PPM1J: variants seen among roughly 807,000 people sequenced by gnomAD.
The protein encoded by PPM1J is protein phosphatase, Mg2+/Mn2+ dependent 1J.
Under a neutral mutation model 53.3 loss-of-function variants are expected in PPM1J, and 43 were observed. That is an observed-to-expected ratio of 0.81 (90% CI 0.63 to 1.04). PPM1J has a LOEUF of 1.04. PPM1J is among the 50% of genes least tolerant of loss of function. PPM1J has a pLI of 0.00. For synonymous variants in PPM1J, 267 were observed against 286.4 expected (o/e 0.93, Z 0.68); for missense variants, 635 against 685.9 (o/e 0.93, Z 0.83).
rs1016649320 is a variant in PPM1J, at chr1:112,715,107, C to A, written c.195G>T (p.Ala65=). The part of the protein sequence containing the change: ...ATPAKAVEAR[A]SFSRPTFLQL... ...GCAGAAAGGTCGGTCTGGAGAAGCTCGCTCGAGCCTCAACAGCCTTCGCGG... is the reference window on the plus strand; with the variant it reads ...GCAGAAAGGTCGGTCTGGAGAAGCTAGCTCGAGCCTCAACAGCCTTCGCGG... The change falls in exon 1 of 10, where the codon GCG becomes GCT. Residue 65 remains alanine (A), a synonymous_variant. Coordinates refer to ENST00000309276, the MANE Select transcript of PPM1J (RefSeq NM_005167.7). The surrounding 1 kb of genome is among the most constrained non-coding windows in gnomAD (Gnocchi z 4.4). 1 of 1,560,050 alleles carries A rather than the reference C, an allele frequency of 6.4e-7. No individual in the cohort carries two copies. The highest frequency in any genetic ancestry group is 8.6e-7 in the Non-Finnish European group (1 of 1,163,020).
At chr1:112,712,266 T>C in intron 4 of PPM1J, 79 bp downstream of exon 4, 1 of 1,212,466 alleles carries the variant, frequency 8.2e-7, no homozygotes. Flanking sequence ...TTTTAACCCC[T>C]GCCACCTTAC....
chr1:112,714,703 C>T (rs1675154849), intron 1 of PPM1J: 1 of 1,225,492 alleles, frequency 8.2e-7, no homozygotes, highest in Non-Finnish European at 1.0e-6. Flanking sequence ...TCTCCGCCCT[C>T]CGGGCTCTGG....
Position 112,712,367 on chromosome 1 carries a change from C to CT in PPM1J, c.819_820insA (p.Val274SerfsTer7), listed in dbSNP as rs1557783595. On this transcript the variant is annotated frameshift_variant, in exon 4 of 10. Transcript: ENST00000309276. LOFTEE classifies it high-confidence loss of function. Reference sequence around the variant, plus strand: ...TACCTGCTATCGCCTGCATTGGCCACGTACACCTTGCCTAGCAGGTAGATC... The same window carrying CT: ...TACCTGCTATCGCCTGCATTGGCCACTGTACACCTTGCCTAGCAGGTAGATC... 6.2e-7 allele frequency: 1 copy of CT among 1,613,594 alleles called. No individual in the cohort carries two copies. The highest frequency in any genetic ancestry group is 8.5e-7 in the Non-Finnish European group (1 of 1,179,770).
intron 1 of PPM1J, 51 bp downstream of exon 1, chr1:112,714,925 G>A: frequency 7.5e-7 from 1 of 1,342,270 alleles, no homozygotes; most frequent in Admixed American, 4.0e-5. Flanking sequence ...GCGGAGCTGG[G>A]GAGAGGGGTG....
chr1:112,710,158 G>T lies in PPM1J; in HGVS notation c.*5C>A. 6.4e-7 allele frequency: 1 copy of T among 1,551,924 alleles called. No homozygotes were observed. The highest frequency in any genetic ancestry group is 8.7e-7 in the Non-Finnish European group (1 of 1,152,660). On this transcript the variant is annotated 3_prime_UTR_variant, in exon 10 of 10. Coordinates refer to ENST00000309276, the MANE Select transcript of PPM1J (RefSeq NM_005167.7). Reference sequence around the variant, plus strand: ...AGGCTAGTGGGAGGGATGGTGTTCAGCCCCTCAGGAGTAACTGCCTGGCCC... The same window carrying T: ...AGGCTAGTGGGAGGGATGGTGTTCATCCCCTCAGGAGTAACTGCCTGGCCC...
rs755307650 is a variant in PPM1J at position 112,713,061 on chromosome 1, T to C, written c.442-30A>G. ...TGGAGGAAAAGTTGGAGGTGAGTTT[T>C]GTTTGTGTGTGTGTGTGTGTGTGTG... On this transcript the variant is annotated intron_variant, in intron 2 of 9. Transcript: ENST00000309276. 7.3e-6 allele frequency: 11 copies of C among 1,509,290 alleles called. 1 individual carries two copies. In the South Asian group the frequency reaches 1.4e-4, roughly 19 times the overall value. The allele number at this position is 1,509,290 out of a possible 1,614,324, so 93.5% of individuals were successfully genotyped here.
At chr1:112,710,386 T>C in intron 9 of PPM1J, 74 bp downstream of exon 9, 2 of 1,610,318 alleles carry the variant, frequency 1.2e-6, no homozygotes, top group Non-Finnish European at 1.7e-6. Context: ...ACATGTGGGG[T>C]CCCAAGCATT....
chr1:112,712,474 G>A lies in PPM1J; in HGVS notation c.730-17C>T, dbSNP rs1210882689. The A allele has an allele frequency of 1.9e-6, 3 of 1,604,888 alleles. No homozygotes were observed. Among genetic ancestry groups the A allele is most frequent in the Non-Finnish European group, 8.5e-7 (1 of 1,172,604 alleles). On this transcript the variant is annotated splice_polypyrimidine_tract_variant and intron_variant, in intron 3 of 9. Transcript: ENST00000309276. ...CTGCTCATCCTGCCACATAAGGAAG[G>A]GTCAGAGGTGGGTAGAAGGAGAGGT...
chr1:112,711,329 CG>C lies in PPM1J; in HGVS notation c.982del (p.Arg328AlafsTer19). On this transcript the variant is annotated frameshift_variant, in exon 6 of 10. Coordinates refer to ENST00000309276, the MANE Select transcript of PPM1J (RefSeq NM_005167.7). LOFTEE classifies it high-confidence loss of function. Reference sequence around the variant, plus strand: ...CCCCAGCTCCTTGGGCAGAACTCTGCGGGGGAACTCAAGGTGGGTGAATTCA... The same window carrying C: ...CCCCAGCTCCTTGGGCAGAACTCTGCGGGGAACTCAAGGTGGGTGAATTCA... The part of the protein sequence containing the change: ...GSEFTHLEFP[R>X]RVLPKELGQR... The C allele has an allele frequency of 6.2e-7, 1 of 1,606,904 alleles. No individual in the cohort carries two copies.
At chr1:112,711,628 A>G (rs185624437) in intron 5 of PPM1J, among the ~76,000 whole-genome samples, 2 of 152,332 alleles carry the variant, frequency 1.3e-5, no homozygotes, top group East Asian at 3.9e-4. Context: ...CAAAGCACTC[A>G]GACCAGGATG....
intron 9 of PPM1J, 36 bp from the exon 10 acceptor site, chr1:112,710,346 A>G: frequency 1.2e-6 from 2 of 1,612,878 alleles, no homozygotes; most frequent in Non-Finnish European, 1.7e-6. Flanking sequence ...ATGTACCAAC[A>G]TGTATGTGGG....
intron 3 of PPM1J, 95 bp from the exon 4 acceptor site, chr1:112,712,552 G>T: frequency 8.1e-7 from 1 of 1,234,524 alleles, no homozygotes; most frequent in Non-Finnish European, 1.1e-6. Flanking sequence ...AAATCAACTG[G>T]CCCAGCCAGG....
Position 112,711,044 on chromosome 1 carries a change from A to G in PPM1J, c.1074T>C (p.Asp358=). ...GWAYKKIELE[D]LRFPLVCGEG... ...CCCCACAGACCAGAGGAAACCTGAG[A>G]TCCTCCAGCTCGATCTTTTTGTAGG... Residue 358 remains aspartate, a synonymous_variant, in exon 7 of 10, where the codon GAT becomes GAC. Transcript: ENST00000309276. 1 of 1,614,022 alleles carries G rather than the reference A, an allele frequency of 6.2e-7. No individual in the cohort carries two copies. The highest frequency in any genetic ancestry group is 8.5e-7 in the Non-Finnish European group (1 of 1,179,962).
In PPM1J at chr1:112,712,014, C is replaced by T. The variant is rs374615983; in HGVS notation, c.884G>A (p.Arg295Gln). The change falls in exon 5 of 10, where the codon CGG becomes CAG. Residue 295 changes from arginine (R) to glutamine (Q), a missense_variant. Physicochemically the swap from Arg to Gln is conservative, Grantham distance 43 (BLOSUM62 1). Transcript: ENST00000309276. ...VRNGEIIPMS[R>Q]EFTPETERQR... is the part of the protein sequence containing the mutation. The stretch of plus-strand genomic sequence containing the variant: ...GCGCTCAGTCTCCGGGGTAAACTCC[C>T]GGGACATTGGAATGATTTCACCATT... 100 of 1,610,756 alleles carry T rather than the reference C, an allele frequency of 6.2e-5. No homozygotes were observed. The highest frequency in any genetic ancestry group is 5.4e-4 in the East Asian group (24 of 44,788).
chr1:112,713,952 C>T, intron 1 of PPM1J: 1 of 905,186 alleles, frequency 1.1e-6, no homozygotes, highest in Non-Finnish European at 1.5e-6. Flanking sequence ...TAGTTGGTAG[C>T]AGAAGTTTTA....
intron 1 of PPM1J, chr1:112,714,290 G>T: frequency 1.0e-6 from 1 of 985,680 alleles, no homozygotes; most frequent in Non-Finnish European, 1.2e-6. Flanking sequence ...ATCTCCCTCG[G>T]TGCTCTGCGT....
chr1:112,711,059 C>T lies in PPM1J; in HGVS notation c.1059G>A (p.Lys353=), dbSNP rs1406905205. 6.2e-7 allele frequency: 1 copy of T among 1,613,970 alleles called. No individual in the cohort carries two copies. The change falls in exon 7 of 10, where the codon AAG becomes AAA. Residue 353 remains lysine (K), a synonymous_variant. Transcript: ENST00000309276. The part of the protein sequence containing the change: ...DQNMTGWAYK[K]IELEDLRFPL... The stretch of plus-strand genomic sequence containing the variant: ...GAAACCTGAGATCCTCCAGCTCGAT[C>T]TTTTTGTAGGCCCTGGGGAGGGGGG...
At chr1:112,714,771 TGAA>T (rs1357432597) in intron 1 of PPM1J, 6 of 1,254,184 alleles carry the variant, frequency 4.8e-6, no homozygotes, top group African/African-American at 4.7e-5. Context: ...GGGAAGGACG[TGAA>T]GAAGGTGACA....
At chr1:112,713,696 C>G in intron 1 of PPM1J, 85 bp from the exon 2 acceptor site, 1 of 1,106,392 alleles carries the variant, frequency 9.0e-7, no homozygotes. Context: ...CCGTCTCCTG[C>G]GCCCGCTGGC....
Sources: allele counts gnomAD v4.1 joint callset (sites outside exome capture counted in the v4.1 genomes callset), GRCh38; gene constraint gnomAD v4.1.1; non-coding constraint Gnocchi (gnomAD v3.1); transcripts MANE v1.5; gene names NCBI Gene and HGNC (gene_info 2026-07-23, HGNC 2026-07-21).